Variants in DHRS12 observed in about 807,000 individuals in gnomAD.
DHRS12 encodes the protein dehydrogenase/reductase SDR family member 12.
Under a neutral mutation model 32.1 loss-of-function variants are expected in DHRS12, and 29 were observed. That is an observed-to-expected ratio of 0.90 (90% CI 0.67 to 1.23). The LOEUF (loss-of-function observed/expected upper bound fraction) is 1.23. Among genes scored for constraint, DHRS12 ranks in the 50% most tolerant of loss-of-function variants. The pLI, the probability that DHRS12 is intolerant of heterozygous loss-of-function variation, is 0.00. For missense variants in DHRS12, 330 were observed against 337.2 expected (o/e 0.98, Z 0.17); for synonymous variants, 150 against 135.9 (o/e 1.10, Z -0.72).
rs1215917106 is a variant in DHRS12, at chr13:51,799,221, T to A, written c.126+313A>T. On this transcript the variant is annotated intron_variant, in intron 2 of 8. Transcript: ENST00000444610. Reference sequence around the variant, plus strand: ...GTTCATGTTTTTGTTTTTGTTTTTTTAATTAAATTCCACTGGGGATTCTGA... The same window carrying A: ...GTTCATGTTTTTGTTTTTGTTTTTTAAATTAAATTCCACTGGGGATTCTGA... Among the ~76,000 whole-genome samples the A allele has an allele frequency of 4.3e-4, 65 of 152,226 alleles. 1 individual carries two copies. The highest frequency in any genetic ancestry group is 4.3e-3 in the Admixed American group (65 of 15,290).
intron 5 of DHRS12, chr13:51,775,963 TACAGTATTCTC>T (rs1287407629): frequency 3.7e-5 from 4 of 106,812 alleles, no homozygotes; most frequent in African/African-American, 1.9e-4. Context: ...ACATGTATTC[TACAGTATTCTC>T]CTACAGTATT....
intron 2 of DHRS12, among the ~76,000 whole-genome samples, chr13:51,798,814 CT>C (rs1270257379): frequency 6.6e-6 from 1 of 152,210 alleles, no homozygotes; most frequent in Non-Finnish European, 1.5e-5. Context: ...TCCATTTTTC[CT>C]GAAGAGGCTC....
At chr13:51,776,970 T>C (rs1191558354) in intron 5 of DHRS12, 90 bp downstream of exon 5, 7 of 1,461,494 alleles carry the variant, frequency 4.8e-6, no homozygotes, top group Non-Finnish European at 6.7e-6. Flanking sequence ...ATGGCCCCCT[T>C]AGGGCAGTCA....
chr13:51,772,323 C>T (rs973418723), intron 6 of DHRS12, among the ~76,000 whole-genome samples: 5 of 152,072 alleles, frequency 3.3e-5, no homozygotes, highest in Admixed American at 6.5e-5. Context: ...GACCGGCATA[C>T]GGTGTGTGTT....
the DHRS12 span, among the ~76,000 whole-genome samples, chr13:51,757,622 C>G: frequency 2.0e-5 from 3 of 147,780 alleles, no homozygotes; most frequent in South Asian, 2.2e-4. Flanking sequence ...AGGCAGCTGA[C>G]AAGTCTTCTT....
chr13:51,769,480 G>A (rs1242855551), intron 7 of DHRS12, among the ~76,000 whole-genome samples, 187 bp from the exon 8 acceptor site: 1 of 152,130 alleles, frequency 6.6e-6, no homozygotes, highest in Non-Finnish European at 1.5e-5. Flanking sequence ...AAGCCCCCAA[G>A]GTGTCACCTG....
At chr13:51,774,274 C>G in intron 5 of DHRS12, 1 of 454,658 alleles carries the variant, frequency 2.2e-6, no homozygotes, top group Non-Finnish European at 3.8e-6. Context: ...CTACAGTATT[C>G]TCCTACAGTA....
intron 1 of DHRS12, among the ~76,000 whole-genome samples, chr13:51,802,083 C>T (rs942176380): frequency 6.6e-6 from 1 of 152,008 alleles, no homozygotes; most frequent in African/African-American, 2.4e-5. Flanking sequence ...GTTAATAAGA[C>T]TTGTCTTTTA....
At chr13:51,786,789 G>A (rs749430110) in intron 4 of DHRS12, among the ~76,000 whole-genome samples, 3 of 152,204 alleles carry the variant, frequency 2.0e-5, no homozygotes, top group Non-Finnish European at 4.4e-5. Flanking sequence ...TCTCCTCAGA[G>A]TATCAGGAAC....
chr13:51,790,066 A>G lies in DHRS12; in HGVS notation c.246T>C (p.Asn82=). Residue 82 remains asparagine, a synonymous_variant, in exon 4 of 9, where the codon AAT becomes AAC. Coordinates refer to ENST00000444610, the MANE Select transcript of DHRS12 (RefSeq NM_001377533.1). Reference sequence around the variant, plus strand: ...GTCCATCTTCTGTGAGCTCTCTTTTATTGACCATGCAACCTGCATTATTGA... The same window carrying G: ...GTCCATCTTCTGTGAGCTCTCTTTTGTTGACCATGCAACCTGCATTATTGA... ...VLINNAGCMV[N]KRELTEDGLE... is the part of the protein sequence containing the mutation. 6.2e-7 allele frequency: 1 copy of G among 1,601,832 alleles called. No individual in the cohort carries two copies. Among genetic ancestry groups the G allele is most frequent in the Non-Finnish European group, 8.5e-7 (1 of 1,176,256 alleles).
intron 4 of DHRS12, among the ~76,000 whole-genome samples, chr13:51,785,157 G>A (rs910596822): frequency 1.2e-4 from 19 of 152,194 alleles, no homozygotes; most frequent in Non-Finnish European, 2.8e-4. Context: ...GAGCCCAAGA[G>A]ATGGAGGTTG....
chr13:51,773,780 A>G (rs908010253), intron 6 of DHRS12, 150 bp downstream of exon 6: 15 of 671,996 alleles, frequency 2.2e-5, no homozygotes, highest in African/African-American at 3.6e-5. Flanking sequence ...GTGCTCCCCA[A>G]AGGGGAGCCC....
rs186249143 is a variant in DHRS12 at position 51,768,585 on chromosome 13, C to T, written c.698-289G>A. On this transcript the variant is annotated intron_variant, in intron 8 of 8. Transcript: ENST00000444610. ...ATCCTCCCGGATACCCCAGGGGTCACCAGCGCTTCAGAATTCCTCAAGCAA... is the reference window on the plus strand; with the variant it reads ...ATCCTCCCGGATACCCCAGGGGTCATCAGCGCTTCAGAATTCCTCAAGCAA... 1.8e-3 allele frequency: 2,263 copies of T among 1,252,092 alleles called. 3 individuals carry two copies. Among genetic ancestry groups the T allele is most frequent in the Non-Finnish European group, 2.1e-3 (2,107 of 993,372 alleles). The allele number at this position is 1,252,092 out of a possible 1,614,324, so 77.6% of individuals were successfully genotyped here.
At position 51,782,523 on chromosome 13, in the gene DHRS12, T is replaced by C. The variant is rs150646846; in HGVS notation, c.302-5402A>G. Among the ~76,000 whole-genome samples, 3 of 152,200 alleles carry C rather than the reference T, an allele frequency of 2.0e-5. No homozygotes were observed. In the East Asian group the frequency reaches 5.8e-4, roughly 29 times the overall value. On this transcript the variant is annotated intron_variant, in intron 4 of 8. Coordinates refer to ENST00000444610, the MANE Select transcript of DHRS12 (RefSeq NM_001377533.1). The surrounding 1 kb of genome is among the most constrained non-coding windows in gnomAD (Gnocchi z 4.2). ...GAACCAGGAATATCAGGGTCATAGG[T>C]GACCTCAGCATGAGAGTGGCCAAAG...
At chr13:51,792,868 G>A (rs571200279) in intron 2 of DHRS12, among the ~76,000 whole-genome samples, 2 of 151,458 alleles carry the variant, frequency 1.3e-5, no homozygotes, top group Non-Finnish European at 2.9e-5. Context: ...CACCCTATTC[G>A]TTTTAATGAC....
At chr13:51,778,831 TA>T (rs1027595962) in intron 4 of DHRS12, among the ~76,000 whole-genome samples, 1 of 151,968 alleles carries the variant, frequency 6.6e-6, no homozygotes, top group African/African-American at 2.4e-5. Context: ...CAGGTGCTTT[TA>T]AAAAAACTCC....
intron 1 of DHRS12, among the ~76,000 whole-genome samples, chr13:51,801,788 G>A (rs1593577021): frequency 6.6e-6 from 1 of 152,136 alleles, no homozygotes; most frequent in Admixed American, 6.5e-5. Context: ...AGTCCACAGG[G>A]AACAGGCCTG....
chr13:51,769,364 A>C, intron 7 of DHRS12, 71 bp from the exon 8 acceptor site: 1 of 210,862 alleles, frequency 4.7e-6, no homozygotes, highest in Non-Finnish European at 6.9e-6. Flanking sequence ...CCCTTAATTT[A>C]AAAAAAAAAA....
chr13:51,792,708 C>T (rs1324269088), intron 2 of DHRS12, among the ~76,000 whole-genome samples: 2 of 152,150 alleles, frequency 1.3e-5, no homozygotes, highest in Non-Finnish European at 2.9e-5. Context: ...CTTGTGTTGG[C>T]CATTTGTGTA....
Sources: gnomAD v4.1 joint callset for allele counts (sites outside exome capture counted in the v4.1 genomes callset) on GRCh38, gnomAD v4.1.1 for gene constraint, Gnocchi (gnomAD v3.1) non-coding constraint, MANE v1.5 for transcripts, NCBI Gene and HGNC (gene_info 2026-07-23, HGNC 2026-07-21) for gene names.